Variants in ZNF277 observed in about 807,000 individuals in gnomAD.
ZNF277 encodes the protein nuclear receptor-interacting factor 4.
ZNF277 carries 55 observed loss-of-function variants against 60.7 expected under a neutral mutation model. The ratio of observed to expected loss-of-function variants is 0.91; its 90% CI spans 0.73 to 1.13. The LOEUF (loss-of-function observed/expected upper bound fraction) is 1.13. Ranked by LOEUF, ZNF277 falls within the 50% of genes most tolerant of loss-of-function variation. The pLI is 0.00. For missense variants in ZNF277, 510 were observed against 523.0 expected (o/e 0.98, Z 0.24); for synonymous variants, 178 against 179.3 (o/e 0.99, Z 0.06).
In ZNF277 at chr7:112,336,944, G is replaced by A. The variant is rs80064853; in HGVS notation, c.869+773G>A. 9.4e-3 allele frequency among the ~76,000 whole-genome samples: 1,427 copies of A among 152,260 alleles called. 16 individuals are homozygous for A. The highest frequency in any genetic ancestry group is 0.032 in the African/African-American group (1,336 of 41,538). On this transcript the variant is annotated intron_variant, in intron 8 of 11. Coordinates refer to ENST00000361822, the MANE Select transcript of ZNF277 (RefSeq NM_021994.3). ...CGGGACTGGTGGCTCCCTCCTGGATGGATAGAGTTAAGGAAAATGTTTCCT... is the reference window on the plus strand; with the variant it reads ...CGGGACTGGTGGCTCCCTCCTGGATAGATAGAGTTAAGGAAAATGTTTCCT...
intron 1 of ZNF277, among the ~76,000 whole-genome samples, chr7:112,237,140 C>G (rs1222150498): frequency 6.6e-6 from 1 of 151,724 alleles, no homozygotes. Flanking sequence ...ATCAGTATGA[C>G]AAAATTAAGA....
At chr7:112,313,589 C>T (rs1182320608) in intron 4 of ZNF277, among the ~76,000 whole-genome samples, 8 of 152,030 alleles carry the variant, frequency 5.3e-5, no homozygotes, top group African/African-American at 1.9e-4. Flanking sequence ...TTCTATGTAT[C>T]TCTGTATATA....
chr7:112,212,716 T>A (rs1482017000), intron 1 of ZNF277, among the ~76,000 whole-genome samples: 1 of 152,222 alleles, frequency 6.6e-6, no homozygotes, highest in African/African-American at 2.4e-5. Context: ...TAACTGCTTA[T>A]GCTGTCAATG....
chr7:112,256,924 G>A (rs1791326125), intron 1 of ZNF277, among the ~76,000 whole-genome samples: 6 of 152,140 alleles, frequency 3.9e-5, no homozygotes. Flanking sequence ...GGGGAAAAGT[G>A]GCTAGAACTG....
chr7:112,254,998 A>G (rs1009162303), intron 1 of ZNF277, among the ~76,000 whole-genome samples: 1 of 151,772 alleles, frequency 6.6e-6, no homozygotes, highest in African/African-American at 2.4e-5. Flanking sequence ...ACAAACAAAC[A>G]AAAAAAACAA....
At chr7:112,308,278 G>A (rs547170469) in intron 4 of ZNF277, among the ~76,000 whole-genome samples, 1 of 152,146 alleles carries the variant, frequency 6.6e-6, no homozygotes, top group African/African-American at 2.4e-5. Flanking sequence ...CACTTTGGGA[G>A]GCGAGGCGGG....
chr7:112,321,047 G>A (rs1253032372), intron 5 of ZNF277, among the ~76,000 whole-genome samples: 3 of 146,844 alleles, frequency 2.0e-5, no homozygotes, highest in Non-Finnish European at 4.5e-5. Flanking sequence ...TCAGCCTCCC[G>A]AGTAGCTGGG....
chr7:112,243,743 G>A (rs1242936635), intron 1 of ZNF277, among the ~76,000 whole-genome samples: 1 of 151,920 alleles, frequency 6.6e-6, no homozygotes, highest in Non-Finnish European at 1.5e-5. Context: ...GAAAACATTT[G>A]AACATTTGTC....
intron 2 of ZNF277, among the ~76,000 whole-genome samples, chr7:112,289,620 T>A (rs933808536): frequency 1.3e-5 from 2 of 152,226 alleles, no homozygotes; most frequent in Non-Finnish European, 2.9e-5. Context: ...GTGAGATCTG[T>A]TGATTTTGTT....
chr7:112,220,470 T>G (rs2116960499), intron 1 of ZNF277, among the ~76,000 whole-genome samples: 1 of 152,334 alleles, frequency 6.6e-6, no homozygotes, highest in East Asian at 1.9e-4. Flanking sequence ...GTATGTTGTT[T>G]GTAAACAAAA....
intron 5 of ZNF277, among the ~76,000 whole-genome samples, chr7:112,324,475 C>T (rs899898042): frequency 5.1e-4 from 78 of 152,080 alleles, no homozygotes; most frequent in Admixed American, 2.9e-3. Context: ...AGAAGTAATT[C>T]AGCAATTTGA....
At chr7:112,292,192 T>C (rs149517425) in intron 2 of ZNF277, among the ~76,000 whole-genome samples, 84 of 152,316 alleles carry the variant, frequency 5.5e-4, no homozygotes, top group African/African-American at 1.9e-3. Context: ...GTGATTCTTC[T>C]CTTCAGACAT....
In ZNF277 at chr7:112,343,453, T is replaced by A. The variant is rs973900776; in HGVS notation, c.*724T>A. Among the ~76,000 whole-genome samples the A allele has an allele frequency of 6.6e-6, 1 of 152,200 alleles. No individual in the cohort carries two copies. The highest frequency in any genetic ancestry group is 2.4e-5 in the African/African-American group (1 of 41,432). ...CACCTAAAAAACATTAACATTAACT[T>A]AATATCATCTGTTTTCAGTTTTTCC... On this transcript the variant is annotated 3_prime_UTR_variant, in exon 12 of 12. Transcript: ENST00000361822.
At chr7:112,231,823 A>G (rs1822339480) in intron 1 of ZNF277, among the ~76,000 whole-genome samples, 1 of 151,956 alleles carries the variant, frequency 6.6e-6, no homozygotes, top group African/African-American at 2.4e-5. Flanking sequence ...TCCACTGATC[A>G]GTTTACAGTT....
At chr7:112,218,930 G>A (rs564221678) in intron 1 of ZNF277, among the ~76,000 whole-genome samples, 1 of 152,302 alleles carries the variant, frequency 6.6e-6, no homozygotes, top group African/African-American at 2.4e-5. Flanking sequence ...ATGAACATAG[G>A]AGTGCAGATA....
At chr7:112,339,815 C>A in intron 9 of ZNF277, 28 bp from the exon 10 acceptor site, 1 of 1,598,520 alleles carries the variant, frequency 6.3e-7, no homozygotes, top group African/African-American at 1.3e-5. Flanking sequence ...AATTCATATG[C>A]TTACAGATGT....
At chr7:112,219,616 T>G (rs1402881100) in intron 1 of ZNF277, among the ~76,000 whole-genome samples, 1 of 152,166 alleles carries the variant, frequency 6.6e-6, no homozygotes, top group African/African-American at 2.4e-5. Context: ...TTTTTGGATT[T>G]TGTTTTCATT....
intron 8 of ZNF277, among the ~76,000 whole-genome samples, 166 bp downstream of exon 8, chr7:112,336,337 T>A (rs1203009321): frequency 6.6e-6 from 1 of 152,186 alleles, no homozygotes; most frequent in Non-Finnish European, 1.5e-5. Flanking sequence ...TCAAAATAAC[T>A]TTGACATAAA....
At chr7:112,335,916 C>T (rs1793319928) in intron 7 of ZNF277, among the ~76,000 whole-genome samples, 188 bp from the exon 8 acceptor site, 1 of 151,572 alleles carries the variant, frequency 6.6e-6, no homozygotes, top group African/African-American at 2.4e-5. Flanking sequence ...GTCATTAAGT[C>T]AAAAAAAAGT....
Sources: allele counts gnomAD v4.1 joint callset (sites outside exome capture counted in the v4.1 genomes callset), GRCh38; gene constraint gnomAD v4.1.1; transcripts MANE v1.5; gene names NCBI Gene and HGNC (gene_info 2026-07-23, HGNC 2026-07-21).